The following ATP10B variants were observed in gnomAD, a reference collection of about 807,000 sequenced individuals.
ATP10B encodes the protein phospholipid-transporting ATPase VB.
In ATP10B, 122 loss-of-function variants were observed where a neutral mutation model predicts 141.2. That is an observed-to-expected ratio of 0.86 (90% CI 0.75 to 1.00). The LOEUF (loss-of-function observed/expected upper bound fraction) is 1.00. Among genes scored for constraint, ATP10B ranks in the 50% least tolerant of loss-of-function variants. The pLI, the probability that ATP10B is intolerant of heterozygous loss-of-function variation, is 0.00. For missense variants in ATP10B, 1,876 were observed against 1,825.3 expected (o/e 1.03, Z -0.51); for synonymous variants, 685 against 692.0 (o/e 0.99, Z 0.16).
At chr5:160,762,104 T>C (rs1769093864) in intron 2 of ATP10B, among the ~76,000 whole-genome samples, 1 of 152,166 alleles carries the variant, frequency 6.6e-6, no homozygotes, top group African/African-American at 2.4e-5. Context: ...TTGGTTTTCT[T>C]GAGGAAGAAA....
intron 21 of ATP10B, 151 bp downstream of exon 21, chr5:160,602,426 G>A (rs1757144130): frequency 5.2e-6 from 5 of 964,128 alleles, no homozygotes; most frequent in Non-Finnish European, 6.0e-6. Context: ...CAAGGTCACA[G>A]AGCTATTAAG....
intron 22 of ATP10B, among the ~76,000 whole-genome samples, chr5:160,594,194 C>A (rs1054578782): frequency 4.6e-5 from 7 of 152,176 alleles, no homozygotes; most frequent in African/African-American, 1.7e-4. Flanking sequence ...GATCTCTCAG[C>A]AGAAACTCCA....
intron 22 of ATP10B, among the ~76,000 whole-genome samples, chr5:160,597,628 ATT>A (rs1355161739): frequency 6.6e-6 from 1 of 152,018 alleles, no homozygotes; most frequent in Non-Finnish European, 1.5e-5. Flanking sequence ...ATGGGAGAAA[ATT>A]TTTGCAACCT....
intron 7 of ATP10B, among the ~76,000 whole-genome samples, chr5:160,653,156 CATAATATATATTATATATACAAT>C (rs1417323848): frequency 4.9e-4 from 62 of 126,932 alleles, no homozygotes; most frequent in African/African-American, 1.8e-3. Context: ...ATTATAAATA[CATAATATATATTATATATACAAT>C]ATATTATATA....
At chr5:160,818,551 G>A (rs1215367104) in intron 1 of ATP10B, among the ~76,000 whole-genome samples, 1 of 152,158 alleles carries the variant, frequency 6.6e-6, no homozygotes, top group African/African-American at 2.4e-5. Context: ...ACTGTTGGTG[G>A]GACTGTAAAC....
chr5:160,715,369 C>A (rs1249246269), intron 3 of ATP10B, among the ~76,000 whole-genome samples: 1 of 140,896 alleles, frequency 7.1e-6, no homozygotes, highest in Non-Finnish European at 1.5e-5. Flanking sequence ...GTGGGAGTGA[C>A]CCGATTTTCC....
chr5:160,841,436 T>A (rs1422623313), intron 1 of ATP10B, among the ~76,000 whole-genome samples: 1 of 152,100 alleles, frequency 6.6e-6, no homozygotes, highest in Non-Finnish European at 1.5e-5. Context: ...TTGGCTCCCA[T>A]ATGAGGTAGG....
intron 2 of ATP10B, among the ~76,000 whole-genome samples, chr5:160,735,697 A>G (rs1343410059): frequency 6.6e-6 from 1 of 152,140 alleles, no homozygotes; most frequent in African/African-American, 2.4e-5. Context: ...AATATACATT[A>G]GTTTCCTTAG....
intron 2 of ATP10B, among the ~76,000 whole-genome samples, chr5:160,741,628 C>T (rs762461708): frequency 2.6e-5 from 4 of 152,100 alleles, no homozygotes; most frequent in Non-Finnish European, 4.4e-5. Context: ...CTGTTTTGTA[C>T]GTTACATTTT....
chr5:160,717,856 C>T (rs1424125327), intron 2 of ATP10B, among the ~76,000 whole-genome samples: 1 of 152,160 alleles, frequency 6.6e-6, no homozygotes, highest in Non-Finnish European at 1.5e-5. Context: ...CACCCTGCTC[C>T]ATCTCCTAGT....
chr5:160,890,185 T>C, the ATP10B span, among the ~76,000 whole-genome samples: 4 of 152,242 alleles, frequency 2.6e-5, no homozygotes, highest in African/African-American at 9.6e-5. Context: ...TAATAAGTAA[T>C]CTAATAGAAG....
chr5:160,895,282 C>G, the ATP10B span, among the ~76,000 whole-genome samples: 141 of 152,204 alleles, frequency 9.3e-4, 1 homozygote, highest in African/African-American at 3.1e-3. Flanking sequence ...AGTGAGGAAC[C>G]ATCAGCGTGC....
At chr5:160,596,265 C>T (rs1404502212) in intron 22 of ATP10B, among the ~76,000 whole-genome samples, 1 of 152,152 alleles carries the variant, frequency 6.6e-6, no homozygotes, top group Non-Finnish European at 1.5e-5. Context: ...TGTAATCCAG[C>T]ATATAAACAG....
At chr5:160,600,827 C>T (rs762698576) in intron 21 of ATP10B, among the ~76,000 whole-genome samples, 22 of 152,192 alleles carry the variant, frequency 1.4e-4, no homozygotes, top group African/African-American at 7.2e-5. Flanking sequence ...AGGTTTTAAT[C>T]CCCTCTGAAA....
At chr5:160,807,861 G>C (rs1392851755) in intron 1 of ATP10B, among the ~76,000 whole-genome samples, 2 of 152,012 alleles carry the variant, frequency 1.3e-5, no homozygotes, top group African/African-American at 2.4e-5. Context: ...AACTACAATG[G>C]GCTACCCTGC....
chr5:160,590,939 T>A (rs377734134), intron 23 of ATP10B, 120 bp downstream of exon 23: 10 of 764,516 alleles, frequency 1.3e-5, no homozygotes, highest in African/African-American at 5.3e-5. Flanking sequence ...ACCTGCAGGC[T>A]ACCTGTTTGA....
intron 1 of ATP10B, among the ~76,000 whole-genome samples, chr5:160,843,571 A>G (rs1309696994): frequency 6.6e-6 from 1 of 152,148 alleles, no homozygotes; most frequent in Admixed American, 6.6e-5. Context: ...CATGCAACTT[A>G]AAAGGAACTG....
rs907491757 is a variant in ATP10B at position 160,620,749 on chromosome 5, C to T, written c.2014G>A (p.Gly672Ser). ...TAGCCACCGTCATCAGTGGAGTCAC[C>T]TCCACTGCACACAGATGCATCATCT... ...ERDDASVCSG[G>S]DSTDDGGYRS... The change falls in exon 15 of 26, where the codon GGT becomes AGT. Residue 672 changes from glycine to serine, a missense_variant. Coordinates refer to ENST00000327245, the MANE Select transcript of ATP10B (RefSeq NM_025153.3). 6.2e-7 allele frequency: 1 copy of T among 1,614,116 alleles called. No individual in the cohort carries two copies. The highest frequency in any genetic ancestry group is 8.5e-7 in the Non-Finnish European group (1 of 1,180,048).
the ATP10B span, among the ~76,000 whole-genome samples, chr5:160,881,829 A>C: frequency 1.3e-5 from 2 of 152,026 alleles, no homozygotes; most frequent in African/African-American, 4.8e-5. Context: ...TAAATAAATA[A>C]AACAATAATA....
Sources: gnomAD v4.1 joint callset for allele counts (sites outside exome capture counted in the v4.1 genomes callset) on GRCh38, gnomAD v4.1.1 for gene constraint, MANE v1.5 for transcripts, NCBI Gene and HGNC (gene_info 2026-07-23, HGNC 2026-07-21) for gene names.